Variants in SCN8A observed in about 807,000 individuals in gnomAD.
The protein encoded by SCN8A is sodium channel protein type 8 subunit alpha.
Under a neutral mutation model 184.1 loss-of-function variants are expected in SCN8A, and 30 were observed. That is an observed-to-expected ratio of 0.16 (90% CI 0.12 to 0.22). SCN8A has a LOEUF of 0.22. Ranked by LOEUF, SCN8A falls within the 10% of genes least tolerant of loss-of-function variation. The pLI is 1.00. For missense variants in SCN8A, 1,057 were observed against 2,498.9 expected (o/e 0.42, Z 12.30); for synonymous variants, 852 against 907.0 (o/e 0.94, Z 1.09).
At chr12:51,697,856 GT>G (rs1941620195) in intron 6 of SCN8A, among the ~76,000 whole-genome samples, 1 of 152,066 alleles carries the variant, frequency 6.6e-6, no homozygotes, top group African/African-American at 2.4e-5. Context: ...TGTTGTTGTT[GT>G]TTTGTTTTTG....
At chr12:51,661,859 A>G (rs1424457723) in intron 1 of SCN8A, among the ~76,000 whole-genome samples, 7 of 152,244 alleles carry the variant, frequency 4.6e-5, no homozygotes, top group African/African-American at 1.4e-4. Context: ...TAAATGGAAA[A>G]TGAGCTTTTC....
chr12:51,765,595 TTTTTA>T, intron 15 of SCN8A, 71 bp from the exon 16 acceptor site: 1 of 887,182 alleles, frequency 1.1e-6, no homozygotes, highest in South Asian at 1.8e-5. Flanking sequence ...TAATTTTATG[TTTTTA>T]TTTTAGCCAT....
At chr12:51,662,509 G>C (rs544856640) in intron 1 of SCN8A, among the ~76,000 whole-genome samples, 23 of 152,190 alleles carry the variant, frequency 1.5e-4, no homozygotes, top group African/African-American at 5.3e-4. Context: ...TGTCATATGT[G>C]GTTCCTAATA....
chr12:51,739,682 A>C (rs1383258755), intron 12 of SCN8A, among the ~76,000 whole-genome samples: 3 of 152,188 alleles, frequency 2.0e-5, no homozygotes, highest in Non-Finnish European at 4.4e-5. Flanking sequence ...GGTGTCCTCC[A>C]GCTAGTTTTC....
At chr12:51,803,776 T>C (rs1188859525) in intron 26 of SCN8A, among the ~76,000 whole-genome samples, 1 of 152,180 alleles carries the variant, frequency 6.6e-6, no homozygotes, top group African/African-American at 2.4e-5. Context: ...GAAATCATCA[T>C]GGGTGGGTCC....
chr12:51,743,352 C>T (rs974959796), intron 12 of SCN8A, among the ~76,000 whole-genome samples: 9 of 152,228 alleles, frequency 5.9e-5, no homozygotes, highest in Non-Finnish European at 1.2e-4. Flanking sequence ...GCCTGTCCTT[C>T]TTCAGAAGGC....
chr12:51,803,881 C>G (rs1053418313), intron 26 of SCN8A, among the ~76,000 whole-genome samples: 2 of 152,188 alleles, frequency 1.3e-5, no homozygotes, highest in Non-Finnish European at 2.9e-5. Flanking sequence ...GCTCGCTGAA[C>G]TTACCGCATC....
chr12:51,633,993 A>G (rs1263990442), intron 1 of SCN8A, among the ~76,000 whole-genome samples: 1 of 152,198 alleles, frequency 6.6e-6, no homozygotes, highest in African/African-American at 2.4e-5. Context: ...GCACATGGCA[A>G]TCTGGACAAG....
At chr12:51,788,814 C>A in intron 23 of SCN8A, 66 bp downstream of exon 23, 1 of 1,385,468 alleles carries the variant, frequency 7.2e-7, no homozygotes, top group Non-Finnish European at 1.0e-6. Flanking sequence ...CATGGTATAC[C>A]GAGCCCACCA....
chr12:51,784,641 TATATC>T (rs772103572), intron 21 of SCN8A, among the ~76,000 whole-genome samples: 253 of 152,366 alleles, frequency 1.7e-3, no homozygotes, highest in Non-Finnish European at 2.9e-3. Context: ...TATAGGATTT[TATATC>T]ATATCAGAGA....
intron 21 of SCN8A, among the ~76,000 whole-genome samples, chr12:51,783,503 C>T (rs1054318511): frequency 2.0e-5 from 3 of 152,196 alleles, no homozygotes; most frequent in African/African-American, 7.2e-5. Context: ...TGTCCTGGGG[C>T]ACTGACTTCA....
At chr12:51,790,118 A>T (rs950968132) in intron 24 of SCN8A, among the ~76,000 whole-genome samples, 1 of 152,260 alleles carries the variant, frequency 6.6e-6, no homozygotes, top group Non-Finnish European at 1.5e-5. Flanking sequence ...CTTCAGAGTC[A>T]CTGCTCTCAA....
chr12:51,595,727 T>G (rs576222491), intron 1 of SCN8A, among the ~76,000 whole-genome samples: 1 of 152,350 alleles, frequency 6.6e-6, no homozygotes, highest in African/African-American at 2.4e-5. Flanking sequence ...ATTAGCCCCC[T>G]TGCCTCTAGG....
intron 10 of SCN8A, among the ~76,000 whole-genome samples, chr12:51,706,085 ATGTATT>A (rs1488550015): frequency 6.6e-6 from 1 of 152,226 alleles, no homozygotes; most frequent in Non-Finnish European, 1.5e-5. Flanking sequence ...CTAAATGTAC[ATGTATT>A]TATACATTTT....
At chr12:51,698,699 G>A (rs999771264) in intron 6 of SCN8A, among the ~76,000 whole-genome samples, 23 of 152,142 alleles carry the variant, frequency 1.5e-4, no homozygotes, top group Non-Finnish European at 2.6e-4. Context: ...TAATGTTTTT[G>A]TTTTTAATTT....
At chr12:51,632,796 C>A in intron 1 of SCN8A, among the ~76,000 whole-genome samples, 1 of 152,142 alleles carries the variant, frequency 6.6e-6, no homozygotes, top group East Asian at 1.9e-4. Context: ...CTCTTCCCAG[C>A]GCTTTTGAAC....
intron 15 of SCN8A, among the ~76,000 whole-genome samples, chr12:51,764,372 C>T (rs1287654014): frequency 1.3e-5 from 2 of 152,202 alleles, no homozygotes; most frequent in Admixed American, 6.5e-5. Context: ...CAGTGGCTTA[C>T]ACCTGTAATC....
At chr12:51,606,786 G>T (rs886997530) in intron 1 of SCN8A, among the ~76,000 whole-genome samples, 2 of 151,774 alleles carry the variant, frequency 1.3e-5, no homozygotes, top group Middle Eastern at 6.8e-3. Context: ...AGTTTTCTTT[G>T]TAGAGGTCTT....
intron 3 of SCN8A, 91 bp from the exon 4 acceptor site, chr12:51,686,277 T>C: frequency 1.3e-6 from 1 of 776,164 alleles, no homozygotes; most frequent in Non-Finnish European, 2.2e-6. Context: ...AGGTTATTGA[T>C]TTAGATCTGA....
Sources: gnomAD v4.1 joint callset for allele counts (sites outside exome capture counted in the v4.1 genomes callset) on GRCh38, gnomAD v4.1.1 for gene constraint, MANE v1.5 for transcripts, NCBI Gene and HGNC (gene_info 2026-07-23, HGNC 2026-07-21) for gene names.